ATL2: variants seen among roughly 807,000 people sequenced by gnomAD.
ATL2 encodes atlastin GTPase 2.
In ATL2, 31 loss-of-function variants were observed where a neutral mutation model predicts 73.9. That is an observed-to-expected ratio of 0.42 (90% CI 0.32 to 0.57). The LOEUF (loss-of-function observed/expected upper bound fraction) is 0.57. Ranked by LOEUF, ATL2 falls within the 20% of genes least tolerant of loss-of-function variation. The probability of loss-of-function intolerance (pLI) is 0.14; values close to 1 mark genes in which losing one functional copy is unlikely to be tolerated. For missense variants in ATL2, 738 were observed against 702.6 expected (o/e 1.05, Z -0.57); for synonymous variants, 291 against 237.5 (o/e 1.23, Z -2.07).
chr2:38,342,106 G>GA (rs752089643), intron 2 of ATL2, among the ~76,000 whole-genome samples: 37 of 151,536 alleles, frequency 2.4e-4, no homozygotes, highest in African/African-American at 8.0e-4. Context: ...CAACTCGAGT[G>GA]AAAAAATTTT....
In ATL2 at chr2:38,298,600, A is replaced by C. The variant is rs529538215; in HGVS notation, c.1201-25T>G. ...CCTGGACAGACAGAATTACAGTATTACATGCTAGAAATAATTAACACTTGA... is the reference window on the plus strand; with the variant it reads ...CCTGGACAGACAGAATTACAGTATTCCATGCTAGAAATAATTAACACTTGA... On this transcript the variant is annotated intron_variant, in intron 11 of 12. Transcript: ENST00000378954. 3 of 1,577,196 alleles carry C rather than the reference A, an allele frequency of 1.9e-6. No homozygotes were observed. In the East Asian group the frequency reaches 6.7e-5, roughly 35 times the overall value.
intron 1 of ATL2, among the ~76,000 whole-genome samples, chr2:38,350,590 T>C (rs1025635074): frequency 1.3e-5 from 2 of 152,266 alleles, no homozygotes; most frequent in South Asian, 4.1e-4. Context: ...TGAACCATAA[T>C]GTAAAACTAT....
intron 2 of ATL2, among the ~76,000 whole-genome samples, chr2:38,335,305 C>T (rs1052880301): frequency 3.0e-4 from 45 of 150,006 alleles, no homozygotes; most frequent in Non-Finnish European, 3.0e-5. Flanking sequence ...TGTTCATTAG[C>T]AGTTTTATTC....
At chr2:38,372,129 T>TG (rs1197393336) in intron 1 of ATL2, among the ~76,000 whole-genome samples, 6 of 151,124 alleles carry the variant, frequency 4.0e-5, no homozygotes, top group Non-Finnish European at 8.9e-5. Context: ...AATTGTTTTT[T>TG]TTTTTTTTTT....
At chr2:38,318,361 C>T (rs1385815932) in intron 4 of ATL2, 174 bp downstream of exon 4, 11 of 417,064 alleles carry the variant, frequency 2.6e-5, no homozygotes, top group Admixed American at 8.3e-5. Context: ...GGCCTGTAAT[C>T]TCAGCTACTC....
chr2:38,328,489 C>A (rs148416549), intron 2 of ATL2, among the ~76,000 whole-genome samples: 8 of 152,068 alleles, frequency 5.3e-5, no homozygotes, highest in Non-Finnish European at 1.2e-4. Context: ...CATACCACAA[C>A]AGAATTAAAC....
At chr2:38,356,388 C>T (rs1025088843) in intron 1 of ATL2, among the ~76,000 whole-genome samples, 7 of 151,714 alleles carry the variant, frequency 4.6e-5, no homozygotes, top group African/African-American at 1.7e-4. Context: ...AGGGTTTCAC[C>T]ATGTTGCCCA....
intron 2 of ATL2, among the ~76,000 whole-genome samples, chr2:38,331,818 A>C (rs1669013860): frequency 6.6e-6 from 1 of 151,874 alleles, no homozygotes. Context: ...ACCCTCTTTC[A>C]CATCATTATT....
intron 9 of ATL2, among the ~76,000 whole-genome samples, chr2:38,302,779 G>C (rs1266442025): frequency 3.3e-5 from 5 of 152,220 alleles, no homozygotes; most frequent in Non-Finnish European, 5.9e-5. Flanking sequence ...CCCTAATGCA[G>C]ATACAGCTGC....
chr2:38,309,871 T>A (rs1246985650), intron 8 of ATL2, among the ~76,000 whole-genome samples: 1 of 152,204 alleles, frequency 6.6e-6, no homozygotes, highest in Admixed American at 6.5e-5. Context: ...GATTATGTTT[T>A]ACCAGCCATA....
At position 38,318,649 on chromosome 2, in the gene ATL2, TGA is replaced by T. The variant is rs1668157149; in HGVS notation, c.499-12_499-11del. On this transcript the variant is annotated splice_polypyrimidine_tract_variant and intron_variant, in intron 3 of 12. Transcript: ENST00000378954. ...TAAGCAGCACAGCAACCTAGGAATT[TGA>T]GAGTTTAAAATATTTAGTAAAACAG... is the stretch of plus-strand genomic sequence containing the variant. 8 of 1,571,146 alleles carry T rather than the reference TGA, an allele frequency of 5.1e-6. No individual in the cohort carries two copies. The highest frequency in any genetic ancestry group is 2.1e-5 in the Admixed American group (1 of 48,006).
chr2:38,330,242 C>T (rs1022013054), intron 2 of ATL2, among the ~76,000 whole-genome samples: 9 of 139,688 alleles, frequency 6.4e-5, no homozygotes, highest in Non-Finnish European at 1.2e-4. Flanking sequence ...ACTCCCAGCA[C>T]ACTAGGAATA....
chr2:38,369,811 A>G (rs908531789), intron 1 of ATL2, among the ~76,000 whole-genome samples: 2 of 152,060 alleles, frequency 1.3e-5, no homozygotes, highest in African/African-American at 2.4e-5. Context: ...AAAAAATTCT[A>G]AGAACAGGGG....
rs190163333 is a variant in ATL2, at chr2:38,373,221, T to C, written c.118+3922A>G. On this transcript the variant is annotated intron_variant, in intron 1 of 12. Coordinates refer to ENST00000378954, the MANE Select transcript of ATL2 (RefSeq NM_001135673.4). ...TATCCTCCCTATGATTAAAGAAGCA[T>C]TGCCGCCACAATCAGAGCATCTTTG... 2.2e-3 allele frequency among the ~76,000 whole-genome samples: 334 copies of C among 152,280 alleles called. 1 individual carries two copies. The highest frequency in any genetic ancestry group is 5.3e-3 in the Admixed American group (81 of 15,296).
At chr2:38,320,482 T>G (rs748750788) in intron 2 of ATL2, among the ~76,000 whole-genome samples, 8 of 152,224 alleles carry the variant, frequency 5.3e-5, no homozygotes, top group Admixed American at 3.9e-4. Flanking sequence ...AGGGTATGTT[T>G]AAAATTTTCC....
chr2:38,299,181 AATTTT>A, intron 11 of ATL2, 70 bp downstream of exon 11: 1 of 1,343,492 alleles, frequency 7.4e-7, no homozygotes, highest in Middle Eastern at 2.7e-4. Flanking sequence ...TTATTTAAAA[AATTTT>A]TTTAATTTTT....
At chr2:38,363,513 T>C (rs557521709) in intron 1 of ATL2, among the ~76,000 whole-genome samples, 66 of 152,322 alleles carry the variant, frequency 4.3e-4, no homozygotes, top group African/African-American at 1.5e-3. Flanking sequence ...TTTTTCTTCA[T>C]AAACTTTCTA....
intron 1 of ATL2, among the ~76,000 whole-genome samples, chr2:38,354,394 G>C (rs889458219): frequency 6.6e-6 from 1 of 152,098 alleles, no homozygotes; most frequent in African/African-American, 2.4e-5. Context: ...TCAATGTGGG[G>C]TTTATAAAGT....
chr2:38,369,342 T>C (rs2124492864), intron 1 of ATL2, among the ~76,000 whole-genome samples: 1 of 152,134 alleles, frequency 6.6e-6, no homozygotes, highest in Admixed American at 6.5e-5. Context: ...CCCAGCTACT[T>C]GGGAGGCAGA....
Sources: gnomAD v4.1 joint callset for allele counts (sites outside exome capture counted in the v4.1 genomes callset) on GRCh38, gnomAD v4.1.1 for gene constraint, MANE v1.5 for transcripts, NCBI Gene and HGNC (gene_info 2026-07-23, HGNC 2026-07-21) for gene names.